KCNN3: variants seen among roughly 807,000 people sequenced by gnomAD.
KCNN3 encodes potassium calcium-activated channel subfamily N member 3.
In KCNN3, 16 loss-of-function variants were observed where a neutral mutation model predicts 62.9. That is an observed-to-expected ratio of 0.25 (90% CI 0.17 to 0.39). The LOEUF (loss-of-function observed/expected upper bound fraction) is 0.39, where lower values mean the gene tolerates loss of function less well. Ranked by LOEUF, KCNN3 falls within the 10% of genes least tolerant of loss-of-function variation. The probability of loss-of-function intolerance (pLI) is 1.00; values close to 1 mark genes in which losing one functional copy is unlikely to be tolerated. For synonymous variants in KCNN3, 370 were observed against 389.2 expected (o/e 0.95, Z 0.58); for missense variants, 599 against 949.4 (o/e 0.63, Z 4.85).
At chr1:154,750,742 A>T (rs1431939034) in intron 3 of KCNN3, among the ~76,000 whole-genome samples, 1 of 152,092 alleles carries the variant, frequency 6.6e-6, no homozygotes, top group Non-Finnish European at 1.5e-5. Context: ...GAAGACACAG[A>T]TGCCCAGGAG....
intron 2 of KCNN3, among the ~76,000 whole-genome samples, chr1:154,811,035 G>A (rs914348319): frequency 1.3e-5 from 2 of 152,132 alleles, no homozygotes; most frequent in African/African-American, 2.4e-5. Context: ...CGGGACTGTC[G>A]CCAAGAATCA....
Position 154,772,132 on chromosome 1 carries a change from C to T in KCNN3, c.1291G>A (p.Asp431Asn). ...GCCCCGATGCTGCGGGACGAGGCAT[C>T]GGTGAAGAGCTTGCTGTGCAGCAGC... Reference protein sequence around the residue: ...VMLLHSKLFTDASSRSIGALN... With the variant: ...VMLLHSKLFTNASSRSIGALN... Residue 431 changes from aspartate to asparagine, a missense_variant, in exon 3 of 8, where the codon GAT (aspartate) becomes AAT (asparagine). Asp to Asn is a conservative substitution (Grantham distance 23, BLOSUM62 1). Coordinates refer to ENST00000271915, the MANE Select transcript of KCNN3 (RefSeq NM_002249.6). The surrounding 1 kb of genome is among the most constrained non-coding windows in gnomAD (Gnocchi z 5.6). The T allele has an allele frequency of 1.9e-6, 3 of 1,614,184 alleles. No homozygotes were observed. Among genetic ancestry groups the T allele is most frequent in the Non-Finnish European group, 2.5e-6 (3 of 1,180,042 alleles).
At chr1:154,712,327 A>T (rs1700095800) in intron 7 of KCNN3, among the ~76,000 whole-genome samples, 2 of 151,996 alleles carry the variant, frequency 1.3e-5, no homozygotes, top group African/African-American at 4.8e-5. Context: ...CTGCATGCCC[A>T]CGTTCCACTC....
intron 2 of KCNN3, among the ~76,000 whole-genome samples, chr1:154,779,009 C>T (rs534362547): frequency 5.9e-5 from 9 of 152,234 alleles, no homozygotes; most frequent in South Asian, 4.2e-4. Flanking sequence ...AAAATGTCAT[C>T]GCCATGAGGC....
chr1:154,718,748 C>G (rs1174711512), intron 5 of KCNN3, among the ~76,000 whole-genome samples: 1 of 152,202 alleles, frequency 6.6e-6, no homozygotes, highest in African/African-American at 2.4e-5. Context: ...AACAACAAAG[C>G]AGGGTCCAGG....
chr1:154,870,036 CAAAG>C lies in KCNN3; in HGVS notation c.-76_-73del. ...GCCACCCTCGCTCCAAAGATGTCCT[CAAAG>C]AAAGCCAGGCATCCAATCTCCCCCA... On this transcript the variant is annotated 5_prime_UTR_variant, in exon 1 of 8. An upstream open reading frame in the 5' UTR loses its in-frame stop. Transcript: ENST00000271915. 6.5e-7 allele frequency: 1 copy of C among 1,530,282 alleles called. No homozygotes were observed. The highest frequency in any genetic ancestry group is 8.9e-7 in the Non-Finnish European group (1 of 1,122,192). The allele number at this position is 1,530,282 out of a possible 1,614,324, so 94.8% of individuals were successfully genotyped here. A position where few individuals can be genotyped will look rare whatever the true frequency, so the allele number is the denominator to read the frequency against.
chr1:154,734,164 C>T (rs1700659555), intron 3 of KCNN3, among the ~76,000 whole-genome samples: 1 of 152,218 alleles, frequency 6.6e-6, no homozygotes, highest in Non-Finnish European at 1.5e-5. Context: ...AGCAAGGGAG[C>T]TGGTTGCAGG....
At chr1:154,789,932 G>A (rs1649439075) in intron 2 of KCNN3, among the ~76,000 whole-genome samples, 1 of 152,086 alleles carries the variant, frequency 6.6e-6, no homozygotes, top group South Asian at 2.1e-4. Flanking sequence ...GAGAGACAGA[G>A]TCTCGCTCTG....
intron 6 of KCNN3, among the ~76,000 whole-genome samples, chr1:154,714,549 T>G (rs1700185072): frequency 1.3e-5 from 1 of 74,836 alleles, no homozygotes; most frequent in Non-Finnish European, 2.8e-5. Context: ...GTGGGGTGTG[T>G]GTGTGTGGTG....
intron 1 of KCNN3, among the ~76,000 whole-genome samples, chr1:154,863,317 C>T (rs1033336981): frequency 1.3e-4 from 20 of 152,184 alleles, no homozygotes; most frequent in African/African-American, 4.8e-4. Flanking sequence ...CCCTACAGCT[C>T]CTGGGAAAAG....
At chr1:154,777,296 T>C (rs573699516) in intron 2 of KCNN3, among the ~76,000 whole-genome samples, 71 of 152,164 alleles carry the variant, frequency 4.7e-4, no homozygotes, top group Admixed American at 1.8e-3. Flanking sequence ...GCCTGGCTCA[T>C]CTCACCCCAC....
At chr1:154,823,163 C>A (rs1347304935) in intron 1 of KCNN3, among the ~76,000 whole-genome samples, 1 of 152,228 alleles carries the variant, frequency 6.6e-6, no homozygotes, top group African/African-American at 2.4e-5. Context: ...CTCTACAAAT[C>A]AGGGTGTCTG....
intron 5 of KCNN3, among the ~76,000 whole-genome samples, chr1:154,719,575 C>T (rs1017223397): frequency 8.5e-5 from 13 of 152,132 alleles, no homozygotes; most frequent in Non-Finnish European, 1.9e-4. Flanking sequence ...TTATGCAGTG[C>T]ATGACTGTAA....
At chr1:154,718,738 A>C (rs1571207995) in intron 5 of KCNN3, among the ~76,000 whole-genome samples, 1 of 152,198 alleles carries the variant, frequency 6.6e-6, no homozygotes, top group African/African-American at 2.4e-5. Flanking sequence ...AAAAAACCAC[A>C]ACAACAAAGC....
chr1:154,819,384 C>T (rs1466455280), intron 2 of KCNN3, among the ~76,000 whole-genome samples: 2 of 152,200 alleles, frequency 1.3e-5, no homozygotes, highest in East Asian at 1.9e-4. Context: ...GTGCTACAAA[C>T]GTGCTATACT....
intron 7 of KCNN3, among the ~76,000 whole-genome samples, chr1:154,711,603 TACTCATGG>T (rs998062026): frequency 6.6e-4 from 101 of 152,226 alleles, no homozygotes; most frequent in Non-Finnish European, 1.1e-3. Context: ...GAAATACTGC[TACTCATGG>T]AAGAAACATC....
intron 3 of KCNN3, among the ~76,000 whole-genome samples, chr1:154,757,334 G>C (rs149328257): frequency 1.3e-5 from 2 of 152,334 alleles, no homozygotes; most frequent in Admixed American, 6.5e-5. Context: ...TTGTCTCTTT[G>C]AGTCCTGGCT....
intron 3 of KCNN3, among the ~76,000 whole-genome samples, chr1:154,770,570 T>C (rs556978782): frequency 5.3e-5 from 8 of 152,278 alleles, no homozygotes; most frequent in Admixed American, 1.3e-4. Flanking sequence ...TGCTTCACCA[T>C]ACCTCCCAAC....
intron 4 of KCNN3, among the ~76,000 whole-genome samples, chr1:154,732,607 T>C (rs1237868051): frequency 6.6e-6 from 1 of 152,106 alleles, no homozygotes; most frequent in Non-Finnish European, 1.5e-5. Flanking sequence ...GGTGCCAAGG[T>C]CAGTGGGACC....
Sources: allele counts gnomAD v4.1 joint callset (sites outside exome capture counted in the v4.1 genomes callset), GRCh38; gene constraint gnomAD v4.1.1; non-coding constraint Gnocchi (gnomAD v3.1); transcripts MANE v1.5; gene names NCBI Gene and HGNC (gene_info 2026-07-23, HGNC 2026-07-21).